CDC14B: variants seen among roughly 807,000 people sequenced by gnomAD.
CDC14B encodes the protein dual specificity protein phosphatase CDC14B.
In CDC14B, 22 loss-of-function variants were observed where a neutral mutation model predicts 64.2. The observed-to-expected ratio is 0.34, with a 90% CI of 0.24 to 0.49. The LOEUF (loss-of-function observed/expected upper bound fraction) is 0.49. Ranked by LOEUF, CDC14B falls within the 20% of genes least tolerant of loss-of-function variation. The pLI is 0.99. For missense variants in CDC14B, 498 were observed against 629.9 expected (o/e 0.79, Z 2.24); for synonymous variants, 191 against 215.8 (o/e 0.89, Z 1.01).
In CDC14B at chr9:96,576,927, A is replaced by G. The variant is rs150048356; in HGVS notation, c.161-11444T>C. ...ATTCTGGAAAGCAGAAACCATACAC[A>G]TAGACCATGTTCAATGACTACAATA... On this transcript the variant is annotated intron_variant, in intron 1 of 13. Coordinates refer to ENST00000375241, the MANE Select transcript of CDC14B (RefSeq NM_033331.4). 2.8e-4 allele frequency among the ~76,000 whole-genome samples: 43 copies of G among 152,300 alleles called. No individual in the cohort carries two copies. The East Asian group carries it at 6.6e-3, about 23-fold the overall frequency.
chr9:96,598,990 A>C (rs1564383739), intron 1 of CDC14B, among the ~76,000 whole-genome samples: 1 of 152,224 alleles, frequency 6.6e-6, no homozygotes, highest in Non-Finnish European at 1.5e-5. Context: ...CATTAAATCT[A>C]AAATGTACTT....
intron 1 of CDC14B, among the ~76,000 whole-genome samples, chr9:96,585,447 T>A (rs1004154106): frequency 6.6e-6 from 1 of 152,022 alleles, no homozygotes; most frequent in African/African-American, 2.4e-5. Context: ...ATTGAAGTTT[T>A]AAAAATGGGA....
At chr9:96,593,782 T>C (rs769339846) in intron 1 of CDC14B, among the ~76,000 whole-genome samples, 2 of 152,010 alleles carry the variant, frequency 1.3e-5, no homozygotes, top group East Asian at 1.9e-4. Context: ...CCAACAGACA[T>C]ACACAAAGAA....
At chr9:96,562,116 G>A (rs1843287140) in intron 4 of CDC14B, among the ~76,000 whole-genome samples, 1 of 152,160 alleles carries the variant, frequency 6.6e-6, no homozygotes, top group Non-Finnish European at 1.5e-5. Context: ...TGATCCAAAT[G>A]GAGCACTTGA....
intron 9 of CDC14B, among the ~76,000 whole-genome samples, chr9:96,528,246 G>A (rs1471345476): frequency 6.6e-6 from 1 of 152,162 alleles, no homozygotes; most frequent in Non-Finnish European, 1.5e-5. Context: ...TGCTGGCCGG[G>A]CGTGGTGGCT....
intron 5 of CDC14B, among the ~76,000 whole-genome samples, chr9:96,546,385 G>A (rs574959485): frequency 1.3e-5 from 2 of 152,138 alleles, no homozygotes; most frequent in African/African-American, 4.8e-5. Flanking sequence ...TGATTAGCTG[G>A]GGGTGATGAC....
intron 1 of CDC14B, among the ~76,000 whole-genome samples, chr9:96,614,429 C>T (rs567268243): frequency 9.8e-4 from 149 of 152,128 alleles, no homozygotes; most frequent in African/African-American, 3.1e-3. Flanking sequence ...GCGATCTGCC[C>T]GCCTTGGCCT....
rs546952163 is a variant in CDC14B at position 96,530,600 on chromosome 9, A to G, written c.946+3327T>C. ...TGGCCCAGGGTTTTCTATAATACAT[A>G]TAAGTCATATCATCTGCAAAAAGAT... is the stretch of plus-strand genomic sequence containing the variant. On this transcript the variant is annotated intron_variant, in intron 9 of 13. Coordinates refer to ENST00000375241, the MANE Select transcript of CDC14B (RefSeq NM_033331.4). 1.6e-3 allele frequency among the ~76,000 whole-genome samples: 237 copies of G among 151,940 alleles called. 1 individual carries two copies. The highest frequency in any genetic ancestry group is 5.1e-3 in the African/African-American group (212 of 41,460).
intron 1 of CDC14B, among the ~76,000 whole-genome samples, chr9:96,607,112 T>C (rs770707832): frequency 1.3e-4 from 20 of 152,148 alleles, no homozygotes; most frequent in South Asian, 1.0e-3. Context: ...TCTGAGTTTA[T>C]TGGGAATTTA....
chr9:96,619,152 G>A, intron 1 of CDC14B, 67 bp downstream of exon 1: 1 of 1,191,074 alleles, frequency 8.4e-7, no homozygotes, highest in East Asian at 3.5e-5. Context: ...CCCGGTGGGA[G>A]GTGGGCCAGG....
At chr9:96,618,751 G>C (rs1847799019) in intron 1 of CDC14B, 3 of 370,706 alleles carry the variant, frequency 8.1e-6, no homozygotes, top group Non-Finnish European at 1.6e-5. Flanking sequence ...TTTGGCCAAC[G>C]CCAAAAAGGG....
intron 5 of CDC14B, among the ~76,000 whole-genome samples, chr9:96,551,446 G>A (rs1419174373): frequency 6.6e-6 from 1 of 152,092 alleles, no homozygotes; most frequent in Non-Finnish European, 1.5e-5. Flanking sequence ...ATCAATGGCA[G>A]TAGTTCTCAG....
chr9:96,525,794 T>A (rs1347318119), intron 9 of CDC14B, among the ~76,000 whole-genome samples: 2 of 152,170 alleles, frequency 1.3e-5, no homozygotes, highest in Admixed American at 1.3e-4. Context: ...CTGAGTTGGA[T>A]GCTATTTAGA....
At chr9:96,564,283 C>T (rs2132302869) in intron 3 of CDC14B, among the ~76,000 whole-genome samples, 1 of 152,168 alleles carries the variant, frequency 6.6e-6, no homozygotes, top group South Asian at 2.1e-4. Flanking sequence ...TGCTTATTTG[C>T]CCTAGATTCT....
downstream of CDC14B, among the ~76,000 whole-genome samples, chr9:96,499,908 G>GC (rs1222618840): frequency 6.6e-6 from 1 of 152,212 alleles, no homozygotes; most frequent in African/African-American, 2.4e-5. Context: ...GAGAAACCAA[G>GC]CCCGCCCACA....
At chr9:96,594,215 G>A (rs1053192976) in intron 1 of CDC14B, among the ~76,000 whole-genome samples, 2 of 152,202 alleles carry the variant, frequency 1.3e-5, no homozygotes, top group African/African-American at 4.8e-5. Context: ...TGCACAAAGA[G>A]TAAACTGAGG....
rs755371482 is a variant in CDC14B, at chr9:96,551,860, C to T, written c.433G>A (p.Gly145Arg). The T allele has an allele frequency of 6.2e-7, 1 of 1,608,108 alleles. No homozygotes were observed. Among genetic ancestry groups the T allele is most frequent in the Non-Finnish European group, 8.5e-7 (1 of 1,177,358 alleles). The change falls in exon 5 of 14, where the codon GGG becomes AGG. Residue 145 changes from glycine (G) to arginine (R), a missense_variant. Transcript: ENST00000375241. ...LVGCYMVIYL[G>R]RTPEEAYRIL... ...CTATATGCTTCTTCTGGGGTTCTCCCCAAATATATAACCTATGTTTGAAAA... is the reference window on the plus strand; with the variant it reads ...CTATATGCTTCTTCTGGGGTTCTCCTCAAATATATAACCTATGTTTGAAAA...
Position 96,509,672 on chromosome 9 carries a change from C to G in CDC14B, c.1460+1G>C. 6.4e-7 allele frequency: 1 copy of G among 1,572,328 alleles called. No individual in the cohort carries two copies. On this transcript the variant is annotated splice_donor_variant, in intron 13 of 13. Coordinates refer to ENST00000375241, the MANE Select transcript of CDC14B (RefSeq NM_033331.4). LOFTEE classifies it high-confidence loss of function. ...TCAGAAGAGTAGGATTCTTTTCTCA[C>G]CTTTTAACACTGCTTTTCCTTGAAG...
At chr9:96,617,640 A>ATATATAGTATGCATGCACAGCC (rs1238503144) in intron 1 of CDC14B, among the ~76,000 whole-genome samples, 2 of 152,184 alleles carry the variant, frequency 1.3e-5, no homozygotes, top group Admixed American at 1.3e-4. Flanking sequence ...AATATATAGT[A>ATATATAGTATGCATGCACAGCC]TATATAGTAT....
Sources: gnomAD v4.1 joint callset for allele counts (sites outside exome capture counted in the v4.1 genomes callset) on GRCh38, gnomAD v4.1.1 for gene constraint, MANE v1.5 for transcripts, NCBI Gene and HGNC (gene_info 2026-07-23, HGNC 2026-07-21) for gene names.